Variants in RNF138 observed in about 807,000 individuals in gnomAD.
RNF138 encodes the protein ring finger protein 138.
A neutral mutation model predicts 31.0 loss-of-function variants in RNF138; 12 were observed. The observed-to-expected ratio is 0.39, with a 90% confidence interval of 0.25 to 0.63. RNF138 has a LOEUF of 0.63. RNF138 is among the 20% of genes least tolerant of loss of function. RNF138 has a pLI of 0.52. For missense variants in RNF138, 192 were observed against 300.1 expected (o/e 0.64, Z 2.66); for synonymous variants, 105 against 99.5 (o/e 1.06, Z -0.33).
At chr18:32,128,878 A>T (rs1270601037) in intron 7 of RNF138, among the ~76,000 whole-genome samples, 2 of 150,620 alleles carry the variant, frequency 1.3e-5, no homozygotes, top group Non-Finnish European at 3.0e-5. Context: ...TTCTGTGATG[A>T]TCCTCTCTGT....
At chr18:32,097,359 T>G (rs1430529155) in intron 2 of RNF138, among the ~76,000 whole-genome samples, 1 of 152,248 alleles carries the variant, frequency 6.6e-6, no homozygotes, top group Non-Finnish European at 1.5e-5. Context: ...AGGCATCTTT[T>G]AAAATGAACT....
chr18:32,113,675 C>A, intron 3 of RNF138, 70 bp from the exon 4 acceptor site: 1 of 640,768 alleles, frequency 1.6e-6, no homozygotes, highest in Non-Finnish European at 2.5e-6. Flanking sequence ...TTATTTTTTC[C>A]TCTCTTTACA....
At chr18:32,117,055 C>T (rs532518203) in intron 4 of RNF138, among the ~76,000 whole-genome samples, 3 of 152,020 alleles carry the variant, frequency 2.0e-5, no homozygotes, top group Admixed American at 2.0e-4. Flanking sequence ...GTGCCCACCA[C>T]CACGCCCAAC....
chr18:32,123,720 T>G, intron 5 of RNF138, 146 bp downstream of exon 5: 1 of 492,504 alleles, frequency 2.0e-6, no homozygotes, highest in Non-Finnish European at 3.5e-6. Context: ...TGGTGCGATC[T>G]TGGCTCACTG....
intron 4 of RNF138, among the ~76,000 whole-genome samples, chr18:32,115,566 G>C (rs1279203983): frequency 6.6e-6 from 1 of 152,174 alleles, no homozygotes; most frequent in Non-Finnish European, 1.5e-5. Context: ...CCATCATGGT[G>C]AAACCTTGTC....
chr18:32,121,532 A>C (rs1012243302), intron 4 of RNF138, among the ~76,000 whole-genome samples: 4 of 152,228 alleles, frequency 2.6e-5, no homozygotes, highest in African/African-American at 9.6e-5. Context: ...TTTTCTAAAT[A>C]TAAAAAGGAC....
chr18:32,092,601 C>G (rs1280859331), intron 1 of RNF138, 99 bp from the exon 2 acceptor site: 2 of 589,754 alleles, frequency 3.4e-6, no homozygotes, highest in Non-Finnish European at 6.1e-6. Context: ...GCGGCAGTAG[C>G]GTCTCTGCGT....
chr18:32,116,436 G>A (rs950891765), intron 4 of RNF138, among the ~76,000 whole-genome samples: 1 of 151,048 alleles, frequency 6.6e-6, no homozygotes, highest in African/African-American at 2.4e-5. Context: ...TATCCTTTGC[G>A]GAGTTCTGAT....
chr18:32,130,879 C>CACT lies in RNF138; in HGVS notation c.*1693_*1694insCTA, dbSNP rs1777596882. On this transcript the variant is annotated 3_prime_UTR_variant, in exon 8 of 8. Transcript: ENST00000261593. ...ATGTGTGTGCTTGAGCATTTTCTTT[C>CACT]AGTTACATGGGTGTAATTTAAAAAA... 6.6e-6 allele frequency: 1 copy of CACT among 150,740 alleles called. No individual in the cohort carries two copies. The highest frequency in any genetic ancestry group is 2.1e-4 in the South Asian group (1 of 4,732). The allele number at this position is 150,740 out of a possible 1,614,324, so 9.3% of individuals were successfully genotyped here. A position where few individuals can be genotyped will look rare whatever the true frequency, so the allele number is the denominator to read the frequency against.
chr18:32,127,886 C>A (rs889898675), intron 7 of RNF138, among the ~76,000 whole-genome samples: 3 of 152,022 alleles, frequency 2.0e-5, no homozygotes, highest in African/African-American at 7.2e-5. Context: ...TGAGACCATC[C>A]TGGCTAACAC....
chr18:32,100,868 G>C (rs1035618952), intron 2 of RNF138, among the ~76,000 whole-genome samples: 1 of 152,186 alleles, frequency 6.6e-6, no homozygotes, highest in East Asian at 1.9e-4. Flanking sequence ...GCCTCCCAGA[G>C]TGCTGGGATC....
intron 7 of RNF138, among the ~76,000 whole-genome samples, 157 bp from the exon 8 acceptor site, chr18:32,128,962 T>G (rs200542926): frequency 1.3e-5 from 2 of 152,360 alleles, no homozygotes; most frequent in East Asian, 1.9e-4. Flanking sequence ...ATCTTGTATC[T>G]TAAAAGATAC....
intron 4 of RNF138, among the ~76,000 whole-genome samples, chr18:32,122,045 T>C (rs1391873546): frequency 6.6e-6 from 1 of 152,096 alleles, no homozygotes; most frequent in African/African-American, 2.4e-5. Context: ...ATTTTTGTAT[T>C]TTTAGTAGAG....
chr18:32,128,382 A>ACGTACCAC (rs2040417127), intron 7 of RNF138, among the ~76,000 whole-genome samples: 3 of 152,308 alleles, frequency 2.0e-5, no homozygotes, highest in Admixed American at 1.3e-4. Flanking sequence ...TACTAAAGAT[A>ACGTACCAC]CAAAAATTAG....
intron 4 of RNF138, among the ~76,000 whole-genome samples, chr18:32,122,714 C>T (rs764053446): frequency 3.3e-5 from 5 of 152,140 alleles, no homozygotes; most frequent in South Asian, 4.1e-4. Context: ...ATCCCAGCTA[C>T]TTGGGAGGCT....
intron 3 of RNF138, among the ~76,000 whole-genome samples, chr18:32,112,583 G>T (rs2144243321): frequency 6.6e-6 from 1 of 152,334 alleles, no homozygotes; most frequent in Middle Eastern, 3.4e-3. Flanking sequence ...TACTTGGGAG[G>T]CTGAGGCAGA....
chr18:32,097,636 G>A (rs1598843961), intron 2 of RNF138, among the ~76,000 whole-genome samples: 1 of 152,094 alleles, frequency 6.6e-6, no homozygotes, highest in East Asian at 1.9e-4. Context: ...GGCACAACAA[G>A]TAGCTGGACT....
intron 7 of RNF138, among the ~76,000 whole-genome samples, chr18:32,128,140 A>C (rs551559183): frequency 1.3e-5 from 2 of 152,304 alleles, no homozygotes; most frequent in Admixed American, 6.5e-5. Flanking sequence ...TTGATTTTAA[A>C]GCGAAATGCA....
Position 32,113,811 on chromosome 18 carries a change from T to C in RNF138, c.343T>C (p.Ser115Pro). ...CKKYQDEYGV[S>P]SIIPNFQISQ... ...GAAGTATCAGGATGAATATGGTGTT[T>C]CTTCTATCATTCCAAACTTTCAGAT... The change falls in exon 4 of 8, where the codon TCT (serine) becomes CCT (proline). Residue 115 changes from serine (S) to proline (P), a missense_variant. Transcript: ENST00000261593. The C allele has an allele frequency of 6.4e-7, 1 of 1,569,102 alleles. No homozygotes were observed. The highest frequency in any genetic ancestry group is 8.6e-7 in the Non-Finnish European group (1 of 1,158,648).
Sources: gnomAD v4.1 joint callset for allele counts (sites outside exome capture counted in the v4.1 genomes callset) on GRCh38, gnomAD v4.1.1 for gene constraint, MANE v1.5 for transcripts, NCBI Gene and HGNC (gene_info 2026-07-23, HGNC 2026-07-21) for gene names.